Variants in GALNTL6 observed in about 807,000 individuals in gnomAD.
GALNTL6 encodes the protein polypeptide N-acetylgalactosaminyltransferase like 6.
GALNTL6 carries 46 observed loss-of-function variants against 73.7 expected under a neutral mutation model. The ratio of observed to expected loss-of-function variants is 0.62; its 90% CI spans 0.49 to 0.80. GALNTL6 has a LOEUF of 0.80. Among genes scored for constraint, GALNTL6 ranks in the 30% least tolerant of loss-of-function variants. The pLI, the probability that GALNTL6 is intolerant of heterozygous loss-of-function variation, is 0.00. For missense variants in GALNTL6, 604 were observed against 755.0 expected, an observed-to-expected ratio of 0.80 and a Z score of 2.34; for synonymous variants, 259 against 263.7, an observed-to-expected ratio of 0.98 and a Z score of 0.17.
intron 2 of GALNTL6, among the ~76,000 whole-genome samples, chr4:172,209,426 G>C (rs1736252599): frequency 7.4e-6 from 1 of 134,454 alleles, no homozygotes; most frequent in Non-Finnish European, 1.6e-5. Context: ...AAGAAAGGAG[G>C]ACCCAGGGTC....
chr4:172,487,804 T>C (rs1255727326), intron 5 of GALNTL6, among the ~76,000 whole-genome samples: 2 of 152,162 alleles, frequency 1.3e-5, no homozygotes, highest in African/African-American at 2.4e-5. Context: ...GTAACAAATA[T>C]GATAAATACC....
intron 2 of GALNTL6, among the ~76,000 whole-genome samples, chr4:172,042,864 TAAAAAAAAAAAAAAAA>T (rs397996272): frequency 2.3e-5 from 1 of 44,400 alleles, no homozygotes; most frequent in Non-Finnish European, 3.9e-5. Context: ...TCTTTAACAG[TAAAAAAAAAAAAAAAA>T]AAAAAAAAAA....
intron 2 of GALNTL6, among the ~76,000 whole-genome samples, chr4:171,965,850 C>T (rs887389294): frequency 4.6e-5 from 7 of 151,924 alleles, no homozygotes; most frequent in Non-Finnish European, 2.9e-5. Flanking sequence ...TTTATTTACC[C>T]TTTCGTTTAC....
intron 2 of GALNTL6, among the ~76,000 whole-genome samples, chr4:172,002,663 C>T (rs1033668755): frequency 4.6e-5 from 7 of 152,066 alleles, no homozygotes; most frequent in African/African-American, 4.8e-5. Context: ...GTCTTGGGTT[C>T]GGTTCAAATC....
At chr4:172,246,123 G>A (rs1176541366) in intron 3 of GALNTL6, among the ~76,000 whole-genome samples, 2 of 152,082 alleles carry the variant, frequency 1.3e-5, no homozygotes, top group Non-Finnish European at 2.9e-5. Context: ...AGATTTAATG[G>A]ATAAAGAATT....
At chr4:172,618,565 C>T (rs571464236) in intron 5 of GALNTL6, among the ~76,000 whole-genome samples, 1 of 152,052 alleles carries the variant, frequency 6.6e-6, no homozygotes, top group Admixed American at 6.6e-5. Flanking sequence ...ATGGACCTTC[C>T]CAAACACCTG....
intron 5 of GALNTL6, among the ~76,000 whole-genome samples, chr4:172,601,825 G>A (rs772758996): frequency 1.4e-5 from 2 of 147,324 alleles, no homozygotes; most frequent in Admixed American, 6.7e-5. Context: ...CAAAGAAATA[G>A]TGGCTGAAAT....
chr4:171,955,233 CTT>C (rs1307244001), intron 2 of GALNTL6, among the ~76,000 whole-genome samples: 1 of 152,078 alleles, frequency 6.6e-6, no homozygotes, highest in African/African-American at 2.4e-5. Flanking sequence ...ACAAAAGAAA[CTT>C]TCTTTGGTCT....
chr4:172,233,064 T>C (rs893207295), intron 3 of GALNTL6, among the ~76,000 whole-genome samples: 1 of 152,114 alleles, frequency 6.6e-6, no homozygotes, highest in Non-Finnish European at 1.5e-5. Flanking sequence ...TTCTACATTG[T>C]CTTTTAAAAA....
intron 2 of GALNTL6, among the ~76,000 whole-genome samples, chr4:172,006,668 C>T (rs1023736251): frequency 1.3e-5 from 2 of 151,844 alleles, no homozygotes; most frequent in East Asian, 1.9e-4. Flanking sequence ...TAACTTGATG[C>T]AACAATTGAA....
rs1741606770 is a variant in GALNTL6 at position 172,342,577 on chromosome 4, A to G, written c.387-5946A>G. On this transcript the variant is annotated intron_variant, in intron 4 of 12. Coordinates refer to ENST00000506823, the MANE Select transcript of GALNTL6 (RefSeq NM_001034845.3). Reference sequence around the variant, plus strand: ...GGGGCTTAACTGGATGATTTCTTAAATGTGGTTGCAGCTCTAATATCCTCT... The same window carrying G: ...GGGGCTTAACTGGATGATTTCTTAAGTGTGGTTGCAGCTCTAATATCCTCT... Among the ~76,000 whole-genome samples, 3 of 152,194 alleles carry G rather than the reference A, an allele frequency of 2.0e-5. No homozygotes were observed. The South Asian group carries it at 6.2e-4, about 32-fold the overall frequency.
At chr4:172,873,899 T>G (rs933657840) in intron 7 of GALNTL6, among the ~76,000 whole-genome samples, 42 of 152,216 alleles carry the variant, frequency 2.8e-4, no homozygotes, top group African/African-American at 9.6e-4. Context: ...ATATAAAGTG[T>G]CAGGAAATGA....
chr4:171,927,875 C>A (rs1181547822), intron 2 of GALNTL6, among the ~76,000 whole-genome samples: 2 of 152,182 alleles, frequency 1.3e-5, no homozygotes, highest in Non-Finnish European at 2.9e-5. Context: ...ACACAAAGTT[C>A]TTTCTTTACC....
intron 5 of GALNTL6, among the ~76,000 whole-genome samples, chr4:172,691,405 T>C (rs1403721714): frequency 6.6e-6 from 1 of 152,140 alleles, no homozygotes; most frequent in Admixed American, 6.5e-5. Flanking sequence ...CCTGATTAAG[T>C]ATTGCACTGG....
At chr4:171,983,128 T>G (rs6553604) in intron 2 of GALNTL6, among the ~76,000 whole-genome samples, 120,435 of 152,006 alleles carry the variant, frequency 0.79, 48,274 homozygotes, top group Admixed American at 0.87. Flanking sequence ...CTCCCCCTTG[T>G]CTAAATAAAC....
chr4:172,558,264 TAAAG>T (rs1736218208), intron 5 of GALNTL6, among the ~76,000 whole-genome samples: 1 of 152,136 alleles, frequency 6.6e-6, no homozygotes, highest in South Asian at 2.1e-4. Flanking sequence ...ACCTACCAGA[TAAAG>T]AAAATATCCT....
chr4:172,984,143 G>C (rs745881740), intron 10 of GALNTL6, among the ~76,000 whole-genome samples: 4 of 152,178 alleles, frequency 2.6e-5, no homozygotes, highest in Non-Finnish European at 2.9e-5. Flanking sequence ...TGTGCCAACT[G>C]TTGTGTCTGT....
chr4:172,990,845 A>G (rs1314837658), intron 10 of GALNTL6, among the ~76,000 whole-genome samples: 3 of 152,228 alleles, frequency 2.0e-5, no homozygotes, highest in African/African-American at 7.2e-5. Context: ...GAATCTTACA[A>G]AGTTTTGAAG....
intron 5 of GALNTL6, among the ~76,000 whole-genome samples, chr4:172,410,428 G>A (rs911988545): frequency 1.3e-5 from 2 of 151,906 alleles, no homozygotes; most frequent in African/African-American, 4.8e-5. Context: ...TTATTGCTCC[G>A]AAAAATATCT....
Sources: gnomAD v4.1 joint callset for allele counts (sites outside exome capture counted in the v4.1 genomes callset) on GRCh38, gnomAD v4.1.1 for gene constraint, MANE v1.5 for transcripts, NCBI Gene and HGNC (gene_info 2026-07-23, HGNC 2026-07-21) for gene names.